BTD: variants seen among roughly 807,000 people sequenced by gnomAD.
BTD encodes biocytinase.
In BTD, 13 loss-of-function variants were observed where a neutral mutation model predicts 17.7. That is an observed-to-expected ratio of 0.74 (90% CI 0.48 to 1.17). The LOEUF is 1.17. Among genes scored for constraint, BTD ranks in the 50% most tolerant of loss-of-function variants. The probability of loss-of-function intolerance (pLI) is 0.00; values close to 1 mark genes in which losing one functional copy is unlikely to be tolerated. For missense variants in BTD, 674 were observed against 650.4 expected (o/e 1.04, Z -0.39); for synonymous variants, 240 against 245.2 (o/e 0.98, Z 0.20).
At chr3:15,699,489 C>T (rs1333627828) in intron 3 of BTD, among the ~76,000 whole-genome samples, 1 of 151,990 alleles carries the variant, frequency 6.6e-6, no homozygotes, top group Non-Finnish European at 1.5e-5. Flanking sequence ...TTGCAATCTA[C>T]CCATCTGACA....
chr3:15,687,233 G>A (rs545245067), intron 3 of BTD, among the ~76,000 whole-genome samples: 7 of 152,068 alleles, frequency 4.6e-5, no homozygotes, highest in East Asian at 1.9e-4. Context: ...ATGAGCCACC[G>A]TGCCCAGCCT....
In BTD at chr3:15,660,557, C is replaced by G. The variant is rs531513048; in HGVS notation, c.399+18500C>G. Among the ~76,000 whole-genome samples, 24 of 152,294 alleles carry G rather than the reference C, an allele frequency of 1.6e-4. No homozygotes were observed. In the South Asian group the frequency reaches 4.3e-3, roughly 28 times the overall value. ...GGATCACATTTATTGTGTTTATATA[C>G]AATGTGTTGACACAGAAATTTACAG... On this transcript the variant is annotated intron_variant, in intron 3 of 3. Transcript: ENST00000672141.
At chr3:15,631,237 A>G (rs2065196484) in intron 1 of BTD, among the ~76,000 whole-genome samples, 1 of 152,222 alleles carries the variant, frequency 6.6e-6, no homozygotes, top group Non-Finnish European at 1.5e-5. Context: ...AGGATGTGAC[A>G]TCTCCTCTGC....
rs368320941 is a variant in BTD, at chr3:15,645,098, T to G, written c.1182T>G (p.Tyr394Ter). The change falls in exon 4 of 4, where the codon TAT becomes TAG. Residue 394 changes from tyrosine (Y) to a stop codon, truncating the protein, a stop_gained. Transcript: ENST00000643237. LOFTEE classifies it low-confidence loss of function (END_TRUNC). The part of the protein sequence containing the change: ...TLVPVWGKEG[Y>*]LHVCSNGLCC... ...TCCCTGTCTGGGGAAAGGAAGGCTA[T>G]CTCCACGTCTGTTCCAATGGCCTCT... The G allele has an allele frequency of 1.9e-6, 3 of 1,614,072 alleles. No individual in the cohort carries two copies. The highest frequency in any genetic ancestry group is 2.5e-6 in the Non-Finnish European group (3 of 1,179,954).
chr3:15,695,183 C>T (rs941454965), intron 3 of BTD: 17 of 1,594,016 alleles, frequency 1.1e-5, no homozygotes, highest in African/African-American at 1.3e-5. Context: ...TTGACTAATA[C>T]TTACAACATC....
At chr3:15,713,588 C>T, downstream of BTD, 2 of 1,610,990 alleles carry the variant, frequency 1.2e-6, no homozygotes, top group Non-Finnish European at 1.7e-6. Flanking sequence ...CCATACCGTG[C>T]TGCTATGTGC....
chr3:15,688,038 T>C (rs1348920273), intron 3 of BTD, among the ~76,000 whole-genome samples: 1 of 152,210 alleles, frequency 6.6e-6, no homozygotes, highest in African/African-American at 2.4e-5. Flanking sequence ...ATTTATTGAA[T>C]AGATAGGCAC....
At chr3:15,624,816 T>G (rs2065029964) in intron 1 of BTD, among the ~76,000 whole-genome samples, 1 of 152,236 alleles carries the variant, frequency 6.6e-6, no homozygotes, top group South Asian at 2.1e-4. Flanking sequence ...CACTGCAACC[T>G]CCGCCTCCTG....
At chr3:15,669,648 G>A (rs564065565) in intron 3 of BTD, 1 of 152,020 alleles carries the variant, frequency 6.6e-6, no homozygotes, top group Admixed American at 6.6e-5. Flanking sequence ...GTTTAATACA[G>A]CATTGGAAGG....
intron 3 of BTD, among the ~76,000 whole-genome samples, chr3:15,665,601 C>T (rs1378130320): frequency 1.3e-5 from 2 of 152,144 alleles, no homozygotes; most frequent in Non-Finnish European, 2.9e-5. Flanking sequence ...GTTGAAACAG[C>T]AACAAATCGG....
chr3:15,651,932 G>A lies in BTD; in HGVS notation c.*6444G>A, dbSNP rs2065811641. On this transcript the variant is annotated 3_prime_UTR_variant, in exon 4 of 4. Coordinates refer to ENST00000643237, the MANE Select transcript of BTD (RefSeq NM_001370658.1). The stretch of plus-strand genomic sequence containing the variant: ...TAGCCCCCAGTGCTCCCCACCTGCT[G>A]GTATCCGTTGTACAACACTTCCCAC... Among the ~76,000 whole-genome samples, 1 of 152,194 alleles carries A rather than the reference G, an allele frequency of 6.6e-6. No homozygotes were observed. The highest frequency in any genetic ancestry group is 1.5e-5 in the Non-Finnish European group (1 of 68,026).
At chr3:15,602,227 C>T (rs1479084733) in intron 1 of BTD, 68 of 1,330,998 alleles carry the variant, frequency 5.1e-5, no homozygotes, top group Non-Finnish European at 6.5e-5. Context: ...TCAGTAGATC[C>T]AGACCGTGCC....
downstream of BTD, among the ~76,000 whole-genome samples, chr3:15,655,867 A>C (rs1183193125): frequency 1.3e-5 from 2 of 152,194 alleles, no homozygotes; most frequent in Non-Finnish European, 1.5e-5. Flanking sequence ...CAGTGGCATG[A>C]TCTCGGCTCA....
chr3:15,650,895 G>C lies in BTD; in HGVS notation c.*5407G>C, dbSNP rs556694796. Among the ~76,000 whole-genome samples the C allele has an allele frequency of 6.6e-6, 1 of 152,074 alleles. No individual in the cohort carries two copies. The highest frequency in any genetic ancestry group is 1.5e-5 in the Non-Finnish European group (1 of 68,010). On this transcript the variant is annotated 3_prime_UTR_variant, in exon 4 of 4. Transcript: ENST00000643237. ...AGCGATTCTCCTGCCTCAGCCTTCC[G>C]AGTAGCTGGGACTACAGGCACGTGC...
intron 1 of BTD, among the ~76,000 whole-genome samples, chr3:15,628,316 A>G (rs983277806): frequency 6.6e-6 from 1 of 152,246 alleles, no homozygotes; most frequent in Non-Finnish European, 1.5e-5. Flanking sequence ...TGTTGTGTGC[A>G]CTATACAATC....
downstream of BTD, among the ~76,000 whole-genome samples, chr3:15,655,416 C>G (rs554358339): frequency 6.6e-6 from 1 of 152,328 alleles, no homozygotes; most frequent in South Asian, 2.1e-4. Flanking sequence ...TTGTGTTCTA[C>G]TGGCCCCTGA....
intron 3 of BTD, chr3:15,696,180 G>A: frequency 6.3e-7 from 1 of 1,594,824 alleles, no homozygotes; most frequent in Admixed American, 1.7e-5. Context: ...ATAATGAACT[G>A]CGTTGTATCC....
chr3:15,676,065 G>C, intron 3 of BTD: 3 of 1,242,474 alleles, frequency 2.4e-6, no homozygotes, highest in East Asian at 2.5e-5. Context: ...GGCTGTCAAA[G>C]AGCATTTTTG....
intron 1 of BTD, among the ~76,000 whole-genome samples, chr3:15,622,105 C>T (rs905196451): frequency 6.6e-6 from 1 of 151,958 alleles, no homozygotes; most frequent in African/African-American, 2.4e-5. Flanking sequence ...TTCAAAGAAC[C>T]AGAATTTAGT....
Sources: gnomAD v4.1 joint callset for allele counts (sites outside exome capture counted in the v4.1 genomes callset) on GRCh38, gnomAD v4.1.1 for gene constraint, MANE v1.5 for transcripts, NCBI Gene and HGNC (gene_info 2026-07-23, HGNC 2026-07-21) for gene names.